The following BRD10 variants were observed in gnomAD, a reference collection of about 807,000 sequenced individuals.
BRD10 encodes uncharacterized bromodomain-containing protein 10.
At chr9:5,998,146 G>C in the BRD10 span, among the ~76,000 whole-genome samples, 1 of 152,088 alleles carries the variant, frequency 6.6e-6, no homozygotes, top group African/African-American at 2.4e-5. Context: ...ACATGTTAAA[G>C]TTTGAGATGG....
chr9:6,007,681 G>A, the BRD10 span: 25 of 1,608,620 alleles, frequency 1.6e-5, no homozygotes, highest in South Asian at 2.4e-4. Flanking sequence ...TGAGGTCTGG[G>A]CCGCCGCTGC....
chr9:5,992,809 A>G, the BRD10 span, among the ~76,000 whole-genome samples: 1 of 151,926 alleles, frequency 6.6e-6, no homozygotes, highest in African/African-American at 2.4e-5. Context: ...GTTTAAAATT[A>G]TTACAATAAG....
chr9:5,999,153 T>C, the BRD10 span, among the ~76,000 whole-genome samples: 2 of 152,058 alleles, frequency 1.3e-5, no homozygotes, highest in Non-Finnish European at 2.9e-5. Context: ...AACTTGGTAG[T>C]AGACTAACTT....
the BRD10 span, among the ~76,000 whole-genome samples, chr9:5,996,450 C>T: frequency 6.6e-6 from 1 of 152,106 alleles, no homozygotes; most frequent in Non-Finnish European, 1.5e-5. Context: ...TCCCAAGTAG[C>T]TAAGATTACA....
the BRD10 span, among the ~76,000 whole-genome samples, chr9:5,966,215 C>T: frequency 3.9e-5 from 6 of 152,098 alleles, no homozygotes; most frequent in African/African-American, 1.4e-4. Context: ...AATTTGCCTT[C>T]CAAGTGTTTC....
the BRD10 span, among the ~76,000 whole-genome samples, chr9:5,889,137 C>T: frequency 6.6e-6 from 1 of 152,286 alleles, no homozygotes; most frequent in African/African-American, 2.4e-5. Flanking sequence ...ATGAGTTGCA[C>T]CGAATAGTAC....
chr9:5,906,965 A>C, the BRD10 span: 2 of 1,600,318 alleles, frequency 1.2e-6, no homozygotes, highest in Non-Finnish European at 8.5e-7. Context: ...GGGACAGCAA[A>C]GTGTCTCTTC....
the BRD10 span, among the ~76,000 whole-genome samples, chr9:5,898,704 G>C: frequency 1.2e-4 from 19 of 152,116 alleles, no homozygotes; most frequent in Non-Finnish European, 2.2e-4. Flanking sequence ...ATTCTTGCTG[G>C]TTCTGTTACT....
chr9:6,004,987 C>T, the BRD10 span, among the ~76,000 whole-genome samples: 1 of 152,322 alleles, frequency 6.6e-6, no homozygotes, highest in Middle Eastern at 3.4e-3. Context: ...GGTCATACTA[C>T]TTTTTGCTAC....
At chr9:5,908,426 C>T in the BRD10 span, among the ~76,000 whole-genome samples, 651 of 152,230 alleles carry the variant, frequency 4.3e-3, 5 homozygotes, top group African/African-American at 0.015. Flanking sequence ...TTGGGAACTC[C>T]TTAACCCTAT....
chr9:5,949,938 A>G, the BRD10 span, among the ~76,000 whole-genome samples: 27 of 152,198 alleles, frequency 1.8e-4, no homozygotes, highest in African/African-American at 6.5e-4. Context: ...GAATTTTACC[A>G]ATTTAACAAA....
chr9:5,898,601 C>A, the BRD10 span, among the ~76,000 whole-genome samples: 1 of 152,138 alleles, frequency 6.6e-6, no homozygotes, highest in Non-Finnish European at 1.5e-5. Flanking sequence ...TAGCTAAGCA[C>A]TGACGGTTTA....
chr9:5,921,707 G>C, the BRD10 span: 12 of 1,613,836 alleles, frequency 7.4e-6, no homozygotes, highest in South Asian at 7.7e-5. Flanking sequence ...AATAATATTT[G>C]CATTGTTTTG....
chr9:5,975,911 C>T, the BRD10 span, among the ~76,000 whole-genome samples: 10 of 152,036 alleles, frequency 6.6e-5, no homozygotes, highest in South Asian at 4.1e-4. Flanking sequence ...ATGAGATGGA[C>T]GAGGCAGAAA....
At chr9:6,008,288 G>C in the BRD10 span, 1 of 984,748 alleles carries the variant, frequency 1.0e-6, no homozygotes, top group East Asian at 1.1e-4. Context: ...TACCTGCGGG[G>C]GACACGGGCA....
At chr9:5,989,831 A>C in the BRD10 span, among the ~76,000 whole-genome samples, 196 of 152,256 alleles carry the variant, frequency 1.3e-3, 2 homozygotes, top group Non-Finnish European at 2.1e-4. Context: ...ACCCAGCCAA[A>C]CATAAATCTT....
chr9:5,995,871 C>A, the BRD10 span, among the ~76,000 whole-genome samples: 28 of 152,068 alleles, frequency 1.8e-4, no homozygotes, highest in African/African-American at 5.1e-4. Flanking sequence ...ACAATTTGTA[C>A]ATATGGAATT....
chr9:5,991,180 GTATATA>G, the BRD10 span, among the ~76,000 whole-genome samples: 120,840 of 150,260 alleles, frequency 0.8, 50,408 homozygotes, highest in Non-Finnish European at 0.94. Flanking sequence ...GTGTGTGTGT[GTATATA>G]TATATATATA....
At chr9:5,954,224 T>C in the BRD10 span, 70 of 614,352 alleles carry the variant, frequency 1.1e-4, no homozygotes, top group East Asian at 1.9e-3. Context: ...CAAATAAAAA[T>C]GATGAATCAA....
Sources: allele counts gnomAD v4.1 joint callset (sites outside exome capture counted in the v4.1 genomes callset), GRCh38; gene constraint gnomAD v4.1.1; transcripts MANE v1.5; gene names NCBI Gene and HGNC (gene_info 2026-07-23, HGNC 2026-07-21).